The following SLC14A2 variants were observed in gnomAD, a reference collection of about 807,000 sequenced individuals.
SLC14A2 encodes solute carrier family 14 member 2.
A neutral mutation model predicts 104.6 loss-of-function variants in SLC14A2; 91 were observed. The ratio of observed to expected loss-of-function variants is 0.87; its 90% confidence interval spans 0.73 to 1.04. SLC14A2 has a LOEUF of 1.04. SLC14A2 is among the 50% of genes least tolerant of loss of function. The pLI is 0.00. For missense variants in SLC14A2, 1,189 were observed against 1,156.0 expected (o/e 1.03, Z -0.41); for synonymous variants, 476 against 466.4 (o/e 1.02, Z -0.27).
intron 1 of SLC14A2, among the ~76,000 whole-genome samples, chr18:45,428,407 A>C (rs1003079549): frequency 1.3e-5 from 2 of 152,214 alleles, no homozygotes; most frequent in Non-Finnish European, 2.9e-5. Flanking sequence ...CATAACTTTA[A>C]AAACCTGTTT....
intron 1 of SLC14A2, among the ~76,000 whole-genome samples, chr18:45,236,277 GTATATGTGTA>G (rs2084243891): frequency 2.2e-5 from 1 of 44,656 alleles, no homozygotes; most frequent in Admixed American, 3.5e-4. Flanking sequence ...ATGTATGTGT[GTATATGTGTA>G]TATATACATG....
At chr18:45,400,242 C>G (rs1165478302) in intron 1 of SLC14A2, among the ~76,000 whole-genome samples, 1 of 152,160 alleles carries the variant, frequency 6.6e-6, no homozygotes, top group East Asian at 1.9e-4. Context: ...TGTCACATCT[C>G]TCTGATTTCC....
intron 1 of SLC14A2, among the ~76,000 whole-genome samples, chr18:45,401,761 T>C (rs918968353): frequency 1.3e-5 from 2 of 152,172 alleles, no homozygotes; most frequent in Admixed American, 1.3e-4. Flanking sequence ...GGGTCAACTA[T>C]GGTGGTGGCA....
At chr18:45,577,983 C>T (rs1293934748) in intron 2 of SLC14A2, among the ~76,000 whole-genome samples, 2 of 152,144 alleles carry the variant, frequency 1.3e-5, no homozygotes, top group Non-Finnish European at 2.9e-5. Context: ...GCTCACAATC[C>T]ACTTCCATGG....
intron 2 of SLC14A2, among the ~76,000 whole-genome samples, chr18:45,511,098 T>G (rs905438793): frequency 2.3e-4 from 10 of 44,036 alleles, no homozygotes; most frequent in African/African-American, 4.6e-4. Context: ...TTTATTGTTG[T>G]TTTTTTTTCT....
intron 2 of SLC14A2, among the ~76,000 whole-genome samples, chr18:45,552,978 G>T: frequency 6.6e-6 from 1 of 152,172 alleles, no homozygotes; most frequent in East Asian, 1.9e-4. Context: ...CTGCAGTGTT[G>T]GCTAGGGATA....
chr18:45,192,120 G>A, the SLC14A2 span, among the ~76,000 whole-genome samples: 2 of 152,134 alleles, frequency 1.3e-5, no homozygotes, highest in Non-Finnish European at 2.9e-5. Flanking sequence ...CTGCAGAGTA[G>A]CAACAGACAT....
intron 1 of SLC14A2, among the ~76,000 whole-genome samples, chr18:45,321,154 T>C (rs1378181169): frequency 6.6e-6 from 1 of 152,184 alleles, no homozygotes; most frequent in African/African-American, 2.4e-5. Context: ...GATCCATGTT[T>C]ATAAAGGCAA....
At chr18:45,179,899 A>G in the SLC14A2 span, 1 of 152,046 alleles carries the variant, frequency 6.6e-6, no homozygotes, top group Admixed American at 6.5e-5. Flanking sequence ...TAATTCCTGC[A>G]CTTTCAGAGG....
At chr18:45,611,566 C>T (rs769565686), upstream of SLC14A2, among the ~76,000 whole-genome samples, 1 of 152,214 alleles carries the variant, frequency 6.6e-6, no homozygotes, top group Non-Finnish European at 1.5e-5. Flanking sequence ...TGTTTATACA[C>T]ATTGAATCCA....
the SLC14A2 span, among the ~76,000 whole-genome samples, chr18:45,187,851 T>C: frequency 4.0e-3 from 608 of 152,296 alleles, 2 homozygotes; most frequent in Middle Eastern, 0.027. Flanking sequence ...TTTGTGAAAA[T>C]GTATCTTTTG....
At position 45,252,792 on chromosome 18, in the gene SLC14A2, C is replaced by CTTT. The variant is rs745363624; in HGVS notation, c.-125+39616_-125+39618dup. On this transcript the variant is annotated intron_variant, in intron 1 of 20. Coordinates refer to the SLC14A2 transcript ENST00000586448. The stretch of plus-strand genomic sequence containing the variant: ...TGCAACATACTCATAGCAATATTGA[C>CTTT]TTTTTTTTTTTTTTTTTGGCAAATG... Among the ~76,000 whole-genome samples, 114 of 126,934 alleles carry CTTT rather than the reference C, an allele frequency of 9.0e-4. 4 individuals carry two copies. The highest frequency in any genetic ancestry group is 2.4e-3 in the African/African-American group (81 of 33,668). The allele number at this position is 126,934 out of a possible 152,430, so 83.3% of individuals were successfully genotyped here.
At position 45,229,534 on chromosome 18, in the gene SLC14A2, C is replaced by T. The variant is rs78414888; in HGVS notation, c.-125+16343C>T. Among the ~76,000 whole-genome samples, 809 of 152,226 alleles carry T rather than the reference C, an allele frequency of 5.3e-3. 20 individuals carry two copies. In the East Asian group the frequency reaches 0.062, roughly 12 times the overall value. Reference sequence around the variant, plus strand: ...CCGTGTCACTCCTTCACTCAGAAACCTACTATAGCTTCCATCTACCTAAAA... The same window carrying T: ...CCGTGTCACTCCTTCACTCAGAAACTTACTATAGCTTCCATCTACCTAAAA... On this transcript the variant is annotated intron_variant, in intron 1 of 20. Transcript: ENST00000586448.
chr18:45,520,834 G>A (rs550429441), intron 2 of SLC14A2, among the ~76,000 whole-genome samples: 48 of 152,266 alleles, frequency 3.2e-4, no homozygotes, highest in African/African-American at 1.1e-3. Flanking sequence ...AGAAGATAAG[G>A]GAAAGGCTTA....
At chr18:45,484,442 T>G (rs749772112) in intron 2 of SLC14A2, among the ~76,000 whole-genome samples, 3 of 152,184 alleles carry the variant, frequency 2.0e-5, no homozygotes, top group African/African-American at 7.2e-5. Context: ...AGAACCTTCT[T>G]GCTGAGGAAA....
At chr18:45,636,944 C>A in intron 5 of SLC14A2, 46 bp from the exon 6 acceptor site, 1 of 1,494,714 alleles carries the variant, frequency 6.7e-7, no homozygotes, top group Non-Finnish European at 9.2e-7. Flanking sequence ...ACAATGTAGA[C>A]CTCAGGATGT....
chr18:45,302,947 C>T (rs77925322), intron 1 of SLC14A2, among the ~76,000 whole-genome samples: 1,726 of 152,156 alleles, frequency 0.011, 27 homozygotes, highest in African/African-American at 0.039. Context: ...GGGTAAAAGC[C>T]AGTCTTGCAT....
chr18:45,524,925 T>A (rs2043570772), intron 2 of SLC14A2, among the ~76,000 whole-genome samples: 1 of 152,192 alleles, frequency 6.6e-6, no homozygotes, highest in African/African-American at 2.4e-5. Context: ...CTGGTAGGAC[T>A]AATTCAGGAG....
chr18:45,560,420 T>A (rs2044186024), intron 2 of SLC14A2, among the ~76,000 whole-genome samples: 2 of 152,146 alleles, frequency 1.3e-5, no homozygotes, highest in Admixed American at 1.3e-4. Context: ...TTTATCCATA[T>A]ACCTCAGGGA....
Sources: allele counts gnomAD v4.1 joint callset (sites outside exome capture counted in the v4.1 genomes callset), GRCh38; gene constraint gnomAD v4.1.1; transcripts MANE v1.5; gene names NCBI Gene and HGNC (gene_info 2026-07-23, HGNC 2026-07-21).